The following RAB12 variants were observed in gnomAD, a reference collection of about 807,000 sequenced individuals.
RAB12 encodes ras-related protein Rab-12.
A neutral mutation model predicts 28.4 loss-of-function variants in RAB12; 11 were observed. The observed-to-expected ratio is 0.39, with a 90% CI of 0.24 to 0.64. The LOEUF (loss-of-function observed/expected upper bound fraction) is 0.64. RAB12 is among the 30% of genes least tolerant of loss of function. RAB12 has a pLI of 0.50. For synonymous variants in RAB12, 138 were observed against 145.3 expected (o/e 0.95, Z 0.36); for missense variants, 276 against 351.1 (o/e 0.79, Z 1.71).
At chr18:8,628,335 C>T (rs1212158345) in intron 2 of RAB12, among the ~76,000 whole-genome samples, 1 of 152,010 alleles carries the variant, frequency 6.6e-6, no homozygotes, top group Admixed American at 6.6e-5. Context: ...TTTGGCCGTA[C>T]CTGATAGTAG....
chr18:8,634,862 A>G (rs1422743999), intron 3 of RAB12, among the ~76,000 whole-genome samples: 4 of 152,218 alleles, frequency 2.6e-5, no homozygotes, highest in African/African-American at 7.2e-5. Context: ...GTTGCTCAAG[A>G]GATTTTAACC....
chr18:8,613,389 A>G (rs374006691), intron 1 of RAB12, among the ~76,000 whole-genome samples: 3 of 152,210 alleles, frequency 2.0e-5, no homozygotes, highest in African/African-American at 4.8e-5. Context: ...CTGTATCACA[A>G]GCATACTTAT....
intron 2 of RAB12, among the ~76,000 whole-genome samples, chr18:8,629,039 G>GA (rs1214896881): frequency 1.3e-5 from 2 of 152,114 alleles, no homozygotes; most frequent in African/African-American, 4.8e-5. Flanking sequence ...TTTCAGAGTA[G>GA]AAAAAATGCT....
rs570257502 is a variant in RAB12, at chr18:8,631,978, A to G, written c.576-1211A>G. ...AAATTCTTGTTTTCTAATTTTCAAA[A>G]TCTTGGTTTGAAAGTAATTGGAGGC... On this transcript the variant is annotated intron_variant, in intron 2 of 5. Transcript: ENST00000649141. Among the ~76,000 whole-genome samples the G allele has an allele frequency of 2.0e-5, 3 of 152,308 alleles. No homozygotes were observed. In the East Asian group the frequency reaches 5.8e-4, roughly 29 times the overall value.
chr18:8,633,138 G>T, intron 2 of RAB12, 51 bp from the exon 3 acceptor site: 2 of 1,608,740 alleles, frequency 1.2e-6, no homozygotes, highest in Non-Finnish European at 1.7e-6. Flanking sequence ...GAATGTGATG[G>T]TGCTCACTTT....
At chr18:8,628,475 C>T (rs947835910) in intron 2 of RAB12, among the ~76,000 whole-genome samples, 5 of 152,134 alleles carry the variant, frequency 3.3e-5, no homozygotes, top group Admixed American at 2.6e-4. Flanking sequence ...TTTTCTACCC[C>T]CAGCCTTCAG....
At chr18:8,632,997 A>G (rs539360061) in intron 2 of RAB12, 192 bp from the exon 3 acceptor site, 12 of 602,782 alleles carry the variant, frequency 2.0e-5, no homozygotes, top group Middle Eastern at 2.9e-4. Context: ...GGTATTTTCT[A>G]TGTCATAGTT....
chr18:8,634,356 A>G (rs897076815), intron 3 of RAB12, among the ~76,000 whole-genome samples: 2 of 143,738 alleles, frequency 1.4e-5, no homozygotes, highest in African/African-American at 5.2e-5. Context: ...ATCAGACCTG[A>G]GGCGGGGCCC....
intron 1 of RAB12, among the ~76,000 whole-genome samples, chr18:8,615,847 C>A (rs897314186): frequency 2.6e-5 from 4 of 152,106 alleles, no homozygotes; most frequent in Admixed American, 6.6e-5. Context: ...TCTGCACTTA[C>A]AATAAAAAAG....
intron 1 of RAB12, among the ~76,000 whole-genome samples, chr18:8,621,402 T>TCATTGCAGGC (rs2096009799): frequency 6.6e-6 from 1 of 152,232 alleles, no homozygotes; most frequent in South Asian, 2.1e-4. Context: ...AAGTTTCCAG[T>TCATTGCAGGC]CATTGCAGGC....
chr18:8,627,877 G>A (rs2096013730), intron 2 of RAB12, among the ~76,000 whole-genome samples: 1 of 152,082 alleles, frequency 6.6e-6, no homozygotes, highest in African/African-American at 2.4e-5. Flanking sequence ...CCCTATATTG[G>A]CGTGTGCCCT....
intron 2 of RAB12, among the ~76,000 whole-genome samples, chr18:8,627,975 A>G (rs1249929324): frequency 1.3e-5 from 2 of 152,218 alleles, no homozygotes; most frequent in Non-Finnish European, 1.5e-5. Flanking sequence ...TGTATCACCA[A>G]ACTGGGAAAA....
chr18:8,628,774 A>G (rs752244276), intron 2 of RAB12, among the ~76,000 whole-genome samples: 2 of 152,198 alleles, frequency 1.3e-5, no homozygotes, highest in African/African-American at 2.4e-5. Context: ...GCCTTTTACT[A>G]TCCCTGTTCT....
At chr18:8,632,754 A>G (rs578200397) in intron 2 of RAB12, 27 of 214,590 alleles carry the variant, frequency 1.3e-4, no homozygotes, top group African/African-American at 5.5e-4. Context: ...GGGTATGACA[A>G]ATGGTTTTGT....
At chr18:8,612,379 C>T (rs576930658) in intron 1 of RAB12, among the ~76,000 whole-genome samples, 69 of 152,046 alleles carry the variant, frequency 4.5e-4, no homozygotes, top group African/African-American at 1.6e-3. Context: ...TACCTGAACG[C>T]TTACCATTTG....
chr18:8,633,419 A>G, intron 3 of RAB12, 92 bp downstream of exon 3: 1 of 1,404,668 alleles, frequency 7.1e-7, no homozygotes, highest in South Asian at 1.3e-5. Flanking sequence ...TGTATTGAGC[A>G]TGTTTTCATA....
intron 2 of RAB12, among the ~76,000 whole-genome samples, chr18:8,632,700 C>T (rs192032819): frequency 0.024 from 3,647 of 152,182 alleles, 70 homozygotes; most frequent in South Asian, 0.074. Flanking sequence ...GTGGGTCATG[C>T]ATGTGTATCA....
intron 5 of RAB12, among the ~76,000 whole-genome samples, chr18:8,636,574 G>A (rs72938808): frequency 0.024 from 3,663 of 152,284 alleles, 70 homozygotes; most frequent in South Asian, 0.076. Flanking sequence ...TTGGTATATG[G>A]CATACTTGCT....
At chr18:8,633,471 G>A (rs1313575557) in intron 3 of RAB12, 144 bp downstream of exon 3, 7 of 904,488 alleles carry the variant, frequency 7.7e-6, no homozygotes, top group Non-Finnish European at 1.2e-5. Flanking sequence ...CTTCGGGATA[G>A]GGATGTAGTC....
Sources: allele counts gnomAD v4.1 joint callset (sites outside exome capture counted in the v4.1 genomes callset), GRCh38; gene constraint gnomAD v4.1.1; transcripts MANE v1.5; gene names NCBI Gene and HGNC (gene_info 2026-07-23, HGNC 2026-07-21).